Variants in HCRTR2 observed in about 807,000 individuals in gnomAD.
HCRTR2 encodes the protein hypocretin receptor 2, also known as orexin receptor type 2.
A neutral mutation model predicts 49.0 loss-of-function variants in HCRTR2; 22 were observed. The ratio of observed to expected loss-of-function variants is 0.45; its 90% CI spans 0.32 to 0.64. The LOEUF (loss-of-function observed/expected upper bound fraction) is 0.64, where lower values mean the gene tolerates loss of function less well. Among genes scored for constraint, HCRTR2 ranks in the 30% least tolerant of loss-of-function variants. The pLI is 0.04. For synonymous variants in HCRTR2, 236 were observed against 205.3 expected (o/e 1.15, Z -1.28); for missense variants, 491 against 559.4 (o/e 0.88, Z 1.23).
At chr6:55,149,053 C>T (rs911560105) in intron 1 of HCRTR2, among the ~76,000 whole-genome samples, 1 of 151,976 alleles carries the variant, frequency 6.6e-6, no homozygotes, top group African/African-American at 2.4e-5. Flanking sequence ...AACCTTAAGG[C>T]AATTGTCTAG....
Position 55,263,703 on chromosome 6 carries a change from C to A in HCRTR2, c.647-4C>A, listed in dbSNP as rs201512449. The A allele has an allele frequency of 8.1e-5, 125 of 1,535,542 alleles. No homozygotes were observed. The highest frequency in any genetic ancestry group is 1.1e-4 in the Non-Finnish European group (117 of 1,109,860). ...AGGTTTTGTTGTTTTGACTTTCATC[C>A]TAGGTGAAATTTATCCCAAGATGTA... On this transcript the variant is annotated splice_polypyrimidine_tract_variant and splice_region_variant and intron_variant, in intron 3 of 6. Coordinates refer to ENST00000370862, the MANE Select transcript of HCRTR2 (RefSeq NM_001384272.1).
chr6:55,274,378 G>C lies in HCRTR2; in HGVS notation c.763-3002G>C, dbSNP rs949897881. The stretch of plus-strand genomic sequence containing the variant: ...ATGTATGCCTAAAACACATTCTTTT[G>C]ATATTGAAACTTTTAAAATTTAATT... On this transcript the variant is annotated intron_variant, in intron 4 of 6. Coordinates refer to ENST00000370862, the MANE Select transcript of HCRTR2 (RefSeq NM_001384272.1). Among the ~76,000 whole-genome samples, 4 of 65,562 alleles carry C rather than the reference G, an allele frequency of 6.1e-5. No individual in the cohort carries two copies. In the Admixed American group the frequency reaches 7.1e-4, roughly 12 times the overall value. The allele number at this position is 65,562 out of a possible 152,430, so 43.0% of individuals were successfully genotyped here. A position where few individuals can be genotyped will look rare whatever the true frequency, so the allele number is the denominator to read the frequency against.
intron 1 of HCRTR2, among the ~76,000 whole-genome samples, chr6:55,140,124 A>G (rs1478850511): frequency 6.6e-6 from 1 of 151,414 alleles, no homozygotes; most frequent in Non-Finnish European, 1.5e-5. Flanking sequence ...AAGAAAAAGG[A>G]TATGGTGCTT....
At chr6:55,120,318 G>A (rs1169231685) in intron 1 of HCRTR2, among the ~76,000 whole-genome samples, 1 of 151,806 alleles carries the variant, frequency 6.6e-6, no homozygotes, top group Non-Finnish European at 1.5e-5. Context: ...TTGATAGGGA[G>A]AGCATTGAAT....
intron 1 of HCRTR2, among the ~76,000 whole-genome samples, chr6:55,217,806 C>G (rs1765816617): frequency 1.3e-5 from 2 of 152,120 alleles, no homozygotes; most frequent in African/African-American, 4.8e-5. Context: ...TTGCCTGCTC[C>G]TCCAAACCCT....
At chr6:55,278,110 G>T (rs747967809) in intron 5 of HCRTR2, among the ~76,000 whole-genome samples, 9 of 152,196 alleles carry the variant, frequency 5.9e-5, no homozygotes, top group Non-Finnish European at 1.0e-4. Context: ...TATGTCGAAT[G>T]TCTAAACAGA....
intron 1 of HCRTR2, among the ~76,000 whole-genome samples, chr6:55,137,987 G>T (rs948953052): frequency 2.0e-5 from 3 of 152,016 alleles, no homozygotes; most frequent in African/African-American, 4.8e-5. Context: ...CTTACTGCTG[G>T]CACATTAAAT....
At chr6:55,140,108 G>T (rs1383681279) in intron 1 of HCRTR2, among the ~76,000 whole-genome samples, 2 of 152,024 alleles carry the variant, frequency 1.3e-5, no homozygotes, top group East Asian at 1.9e-4. Context: ...ATTGAGACCA[G>T]CTGAAAAGAA....
upstream of HCRTR2, chr6:55,174,242 G>T: frequency 3.6e-6 from 1 of 280,754 alleles, no homozygotes; most frequent in South Asian, 4.4e-5. Context: ...GGAGGAGGCT[G>T]TGGGCTGCGG....
chr6:55,175,120 A>AGT (rs369907787), intron 1 of HCRTR2, among the ~76,000 whole-genome samples: 149 of 149,270 alleles, frequency 1.0e-3, no homozygotes, highest in African/African-American at 2.5e-3. Flanking sequence ...GATTTTGTTG[A>AGT]GTGTGTGTGT....
intron 1 of HCRTR2, among the ~76,000 whole-genome samples, chr6:55,139,801 G>C (rs1764481842): frequency 6.6e-6 from 1 of 152,170 alleles, no homozygotes; most frequent in Non-Finnish European, 1.5e-5. Flanking sequence ...CAACATTCCA[G>C]ATTACTTGAA....
chr6:55,120,365 A>G (rs572334010), intron 1 of HCRTR2, among the ~76,000 whole-genome samples: 3 of 151,972 alleles, frequency 2.0e-5, no homozygotes, highest in Non-Finnish European at 4.4e-5. Context: ...CATTTTCATG[A>G]TATTGATTCT....
intron 1 of HCRTR2, among the ~76,000 whole-genome samples, chr6:55,219,267 A>G (rs927776054): frequency 3.9e-5 from 6 of 152,220 alleles, no homozygotes; most frequent in African/African-American, 1.4e-4. Context: ...GCACACACAT[A>G]TATTATCCAG....
chr6:55,163,087 T>G (rs907880062), intron 1 of HCRTR2, among the ~76,000 whole-genome samples: 1 of 151,820 alleles, frequency 6.6e-6, no homozygotes, highest in Admixed American at 6.6e-5. Context: ...ATACAAAAAA[T>G]TAGCCGGGCG....
intron 1 of HCRTR2, among the ~76,000 whole-genome samples, chr6:55,185,557 A>T (rs978526572): frequency 1.3e-5 from 2 of 152,260 alleles, no homozygotes; most frequent in Admixed American, 1.3e-4. Flanking sequence ...TGGGGATTGG[A>T]TGATATGAAT....
chr6:55,230,625 T>C (rs981722773), intron 1 of HCRTR2, among the ~76,000 whole-genome samples: 15 of 152,176 alleles, frequency 9.9e-5, no homozygotes, highest in African/African-American at 3.4e-4. Context: ...TTAATACTGA[T>C]AAACAGATTT....
At chr6:55,263,423 T>C (rs947618696) in intron 3 of HCRTR2, among the ~76,000 whole-genome samples, 4 of 152,124 alleles carry the variant, frequency 2.6e-5, no homozygotes, top group African/African-American at 9.6e-5. Context: ...TTTTAATAAC[T>C]GAACACTTGA....
chr6:55,284,181 C>A (rs1198817814), downstream of HCRTR2, among the ~76,000 whole-genome samples: 3 of 151,796 alleles, frequency 2.0e-5, no homozygotes, highest in Non-Finnish European at 4.4e-5. Flanking sequence ...TTCCTTAGAC[C>A]CAAATATACC....
intron 4 of HCRTR2, among the ~76,000 whole-genome samples, chr6:55,269,996 TA>T (rs2127326059): frequency 6.6e-6 from 1 of 152,278 alleles, no homozygotes; most frequent in Non-Finnish European, 1.5e-5. Flanking sequence ...TAAACATGTA[TA>T]TTTAGGGAAT....
Sources: allele counts gnomAD v4.1 joint callset (sites outside exome capture counted in the v4.1 genomes callset), GRCh38; gene constraint gnomAD v4.1.1; transcripts MANE v1.5; gene names NCBI Gene and HGNC (gene_info 2026-07-23, HGNC 2026-07-21).